RBFOX1: variants seen among roughly 807,000 people sequenced by gnomAD.
RBFOX1 encodes RNA binding fox-1 homolog 1, also known as RNA binding protein fox-1 homolog 1.
Under a neutral mutation model 57.7 loss-of-function variants are expected in RBFOX1, and 8 were observed. The ratio of observed to expected loss-of-function variants is 0.14; its 90% CI spans 0.08 to 0.25. The LOEUF (loss-of-function observed/expected upper bound fraction) is 0.25, where lower values mean the gene tolerates loss of function less well. Ranked by LOEUF, RBFOX1 falls within the 10% of genes least tolerant of loss-of-function variation. RBFOX1 has a pLI of 1.00. For missense variants in RBFOX1, 611 were observed against 548.5 expected, an observed-to-expected ratio of 1.11 and a Z score of -1.14; for synonymous variants, 326 against 222.4, an observed-to-expected ratio of 1.47 and a Z score of -4.15.
At chr16:6,563,950 C>A (rs1031543087) in intron 2 of RBFOX1, among the ~76,000 whole-genome samples, 4 of 151,842 alleles carry the variant, frequency 2.6e-5, no homozygotes, top group Non-Finnish European at 2.9e-5. Context: ...CTGCCTGCCA[C>A]AGTGGGGATC....
At chr16:5,723,161 G>C (rs138690825) in intron 3 of RBFOX1, among the ~76,000 whole-genome samples, 131 of 152,290 alleles carry the variant, frequency 8.6e-4, no homozygotes, top group Middle Eastern at 3.4e-3. Context: ...CCTGCTACTT[G>C]AGTGTATGCA....
At chr16:6,767,947 T>TAATAATAATAAGAAGAAG (rs1410744665) in intron 3 of RBFOX1, among the ~76,000 whole-genome samples, 58 of 101,040 alleles carry the variant, frequency 5.7e-4, no homozygotes, top group South Asian at 2.2e-3. Context: ...ATAATAATAA[T>TAATAATAATAAGAAGAAG]AAGAAGAAGA....
intron 2 of RBFOX1, among the ~76,000 whole-genome samples, chr16:6,550,422 C>A (rs755501122): frequency 2.0e-5 from 3 of 152,192 alleles, no homozygotes; most frequent in Non-Finnish European, 4.4e-5. Flanking sequence ...AATTCGTGGC[C>A]TCAAGTGATC....
intron 1 of RBFOX1, among the ~76,000 whole-genome samples, chr16:6,053,547 C>T (rs2095578712): frequency 6.6e-6 from 1 of 152,152 alleles, no homozygotes; most frequent in Admixed American, 6.5e-5. Flanking sequence ...TGTAATATAA[C>T]AAGTTTTAGG....
chr16:5,588,856 G>A (rs1009424487), intron 2 of RBFOX1, among the ~76,000 whole-genome samples: 4 of 152,184 alleles, frequency 2.6e-5, no homozygotes, highest in African/African-American at 9.7e-5. Context: ...ACAGGATTTT[G>A]CAGGTGGAGG....
intron 3 of RBFOX1, among the ~76,000 whole-genome samples, chr16:5,703,983 G>A (rs921913715): frequency 2.0e-5 from 3 of 152,122 alleles, no homozygotes; most frequent in Non-Finnish European, 2.9e-5. Context: ...CCCTCAAATC[G>A]TTACATGGTC....
chr16:6,798,426 A>G (rs191911086), intron 3 of RBFOX1, among the ~76,000 whole-genome samples: 48 of 152,330 alleles, frequency 3.2e-4, no homozygotes, highest in African/African-American at 9.9e-4. Context: ...TGCTTAATAG[A>G]TAGGGAGAGA....
intron 11 of RBFOX1, among the ~76,000 whole-genome samples, chr16:7,651,430 C>T (rs548355213): frequency 1.3e-5 from 2 of 152,168 alleles, no homozygotes; most frequent in African/African-American, 2.4e-5. Context: ...ATGGTCACCC[C>T]GTCCAACCTC....
chr16:6,783,944 C>A (rs1326808807), intron 3 of RBFOX1, among the ~76,000 whole-genome samples: 1 of 152,158 alleles, frequency 6.6e-6, no homozygotes, highest in East Asian at 1.9e-4. Flanking sequence ...TTTTGTTCAG[C>A]ACTTTAAATA....
chr16:6,529,100 A>G (rs1297471178), intron 2 of RBFOX1, among the ~76,000 whole-genome samples: 1 of 152,144 alleles, frequency 6.6e-6, no homozygotes, highest in African/African-American at 2.4e-5. Context: ...TCTAGCTGCC[A>G]CCTTGTTATA....
At chr16:6,445,715 T>C (rs1197220596) in intron 2 of RBFOX1, among the ~76,000 whole-genome samples, 1 of 152,072 alleles carries the variant, frequency 6.6e-6, no homozygotes, top group Non-Finnish European at 1.5e-5. Context: ...CCCGAGTAGC[T>C]GGGACTACAG....
chr16:6,322,434 C>T (rs1212726795), intron 2 of RBFOX1, among the ~76,000 whole-genome samples: 4 of 152,218 alleles, frequency 2.6e-5, no homozygotes, highest in African/African-American at 7.2e-5. Context: ...CACTTGGTCT[C>T]ACCAGTTGGG....
intron 4 of RBFOX1, among the ~76,000 whole-genome samples, chr16:5,903,441 G>A (rs1472554719): frequency 6.6e-6 from 1 of 152,060 alleles, no homozygotes; most frequent in African/African-American, 2.4e-5. Context: ...TGCAAAAGGG[G>A]GCATTTATGG....
At chr16:5,463,952 GCCTT>G (rs2151602324) in intron 1 of RBFOX1, among the ~76,000 whole-genome samples, 1 of 152,306 alleles carries the variant, frequency 6.6e-6, no homozygotes, top group African/African-American at 2.4e-5. Context: ...GTGTCCAGCA[GCCTT>G]TGAAGAGCCT....
At chr16:7,487,278 C>G (rs932814363) in intron 4 of RBFOX1, among the ~76,000 whole-genome samples, 4 of 152,150 alleles carry the variant, frequency 2.6e-5, no homozygotes, top group Admixed American at 2.6e-4. Context: ...ATACTCCTTC[C>G]TCAACTACTT....
chr16:6,428,086 CA>C (rs2093980012), intron 2 of RBFOX1, among the ~76,000 whole-genome samples: 1 of 151,920 alleles, frequency 6.6e-6, no homozygotes, highest in South Asian at 2.1e-4. Context: ...AGTTCAAGAT[CA>C]ACCTGGGCAA....
At chr16:7,341,836 G>A (rs1005613287) in intron 4 of RBFOX1, among the ~76,000 whole-genome samples, 3 of 128,626 alleles carry the variant, frequency 2.3e-5, no homozygotes, top group African/African-American at 9.1e-5. Flanking sequence ...CCTTTTTGAG[G>A]TGGGAAGATG....
intron 3 of RBFOX1, among the ~76,000 whole-genome samples, chr16:7,042,718 G>A (rs150793774): frequency 6.6e-6 from 1 of 152,162 alleles, no homozygotes; most frequent in African/African-American, 2.4e-5. Context: ...TTGAGGTCAG[G>A]AGTTCAAGAC....
chr16:7,094,444 G>C (rs1168564237), intron 4 of RBFOX1, among the ~76,000 whole-genome samples: 1 of 152,100 alleles, frequency 6.6e-6, no homozygotes, highest in Non-Finnish European at 1.5e-5. Flanking sequence ...CTTTGAAAAT[G>C]ATTTGGAGAC....
Sources: gnomAD v4.1 joint callset for allele counts (sites outside exome capture counted in the v4.1 genomes callset) on GRCh38, gnomAD v4.1.1 for gene constraint, MANE v1.5 for transcripts, NCBI Gene and HGNC (gene_info 2026-07-23, HGNC 2026-07-21) for gene names.